The following HERC1 variants were observed in gnomAD, a reference collection of about 807,000 sequenced individuals.
HERC1 encodes HECT and RLD domain containing E3 ubiquitin protein ligase family member 1, also known as probable E3 ubiquitin-protein ligase HERC1.
In HERC1, 160 loss-of-function variants were observed where a neutral mutation model predicts 554.3. The observed-to-expected ratio is 0.29, with a 90% CI of 0.25 to 0.33. The LOEUF is 0.33. Ranked by LOEUF, HERC1 falls within the 10% of genes least tolerant of loss-of-function variation. HERC1 has a pLI of 1.00. For missense variants in HERC1, 4,919 were observed against 5,918.5 expected, an observed-to-expected ratio of 0.83 and a Z score of 5.54; for synonymous variants, 2,175 against 2,131.7, an observed-to-expected ratio of 1.02 and a Z score of -0.56.
In HERC1 at chr15:63,758,223, C is replaced by T; in HGVS notation, c.1173G>A (p.Glu391=). 1 of 1,613,272 alleles carries T rather than the reference C, an allele frequency of 6.2e-7. No individual in the cohort carries two copies. Among genetic ancestry groups the T allele is most frequent in the Middle Eastern group, 1.6e-4 (1 of 6,062 alleles). The change falls in exon 4 of 78, where the codon GAG becomes GAA. Residue 391 remains glutamate, a synonymous_variant. Transcript: ENST00000443617. This position sits in a 1 kb window ranked among gnomAD's most constrained non-coding sequence, Gnocchi z 4.0. ...SSHQLVEGTQ[E]KILQPKLAPS... The stretch of plus-strand genomic sequence containing the variant: ...GAGCCAGTTTGGGTTGCAGTATTTT[C>T]TCCTGTGTACCTTCTACCAACTGAT...
intron 76 of HERC1, among the ~76,000 whole-genome samples, chr15:63,613,261 T>C (rs1412064196): frequency 6.6e-6 from 1 of 152,180 alleles, no homozygotes; most frequent in Non-Finnish European, 1.5e-5. Flanking sequence ...CTACATGAAA[T>C]TCTGTGTGAC....
chr15:63,751,897 A>T (rs963143107), intron 8 of HERC1, among the ~76,000 whole-genome samples: 2 of 151,994 alleles, frequency 1.3e-5, no homozygotes, highest in South Asian at 2.1e-4. Context: ...TGGATAATCT[A>T]TAGAAACTCT....
rs2068505013 is a variant in HERC1, at chr15:63,630,600, T to G, written c.12832A>C (p.Asn4278His). The G allele has an allele frequency of 9.3e-6, 15 of 1,613,160 alleles. No homozygotes were observed. Among genetic ancestry groups the G allele is most frequent in the Non-Finnish European group, 1.3e-5 (15 of 1,179,624 alleles). ...GGGATTTGTTGCGGTCGATTGTGAT[T>G]GCGAGCACGCCCCTCTGGCAAGCCT... ...LIGLPEGRAR[N>H]HNRPQQIPVL... Residue 4278 changes from asparagine (N) to histidine (H), a missense_variant, in exon 69 of 78, where the codon AAT becomes CAT. Coordinates refer to ENST00000443617, the MANE Select transcript of HERC1 (RefSeq NM_003922.4).
At chr15:63,629,943 C>T (rs934165095) in intron 69 of HERC1, among the ~76,000 whole-genome samples, 39 of 152,244 alleles carry the variant, frequency 2.6e-4, no homozygotes, top group African/African-American at 8.9e-4. Flanking sequence ...TCTTGAGTCT[C>T]TTATCAGTAT....
At position 63,775,697 on chromosome 15, in the gene HERC1, A is replaced by C; in HGVS notation, c.-26-48T>G. 1 of 1,219,004 alleles carries C rather than the reference A, an allele frequency of 8.2e-7. No homozygotes were observed. Among genetic ancestry groups the C allele is most frequent in the Non-Finnish European group, 1.2e-6 (1 of 864,640 alleles). 75.5% of individuals were successfully genotyped at this position (1,219,004 alleles called of 1,614,324 possible). ...AGTCAAAAACATACAGAGGACTCAT[A>C]AAATGTTTCCAAAATTTCATCTTAC... On this transcript the variant is annotated intron_variant, in intron 1 of 77. Transcript: ENST00000443617. This position sits in a 1 kb window ranked among gnomAD's most constrained non-coding sequence, Gnocchi z 4.0.
intron 77 of HERC1, among the ~76,000 whole-genome samples, chr15:63,609,794 A>G (rs889272393): frequency 1.3e-5 from 2 of 152,176 alleles, no homozygotes; most frequent in African/African-American, 4.8e-5. Flanking sequence ...CACAGCTCAC[A>G]TAAGGAAGGG....
At chr15:63,770,819 G>A (rs968945620) in intron 2 of HERC1, among the ~76,000 whole-genome samples, 1 of 152,176 alleles carries the variant, frequency 6.6e-6, no homozygotes, top group African/African-American at 2.4e-5. Flanking sequence ...GGGAGGATCA[G>A]GTCAGGTTGG....
chr15:63,668,401 G>A (rs1476356531), intron 40 of HERC1, among the ~76,000 whole-genome samples: 2 of 152,134 alleles, frequency 1.3e-5, no homozygotes, highest in Non-Finnish European at 2.9e-5. Context: ...GCTGAGGTGG[G>A]AGAACTGCTT....
rs891781160 is a variant in HERC1 at position 63,651,836 on chromosome 15, G to A, written c.10419-456C>T. 4.6e-5 allele frequency among the ~76,000 whole-genome samples: 7 copies of A among 152,258 alleles called. No homozygotes were observed. In the East Asian group the frequency reaches 1.4e-3, roughly 29 times the overall value. On this transcript the variant is annotated intron_variant, in intron 52 of 77. Coordinates refer to ENST00000443617, the MANE Select transcript of HERC1 (RefSeq NM_003922.4). Reference sequence around the variant, plus strand: ...GCAGATCAGAAGGTCAGGAGTTTGAGACCAGCCTGGCCAACATAGTGAAAC... The same window carrying A: ...GCAGATCAGAAGGTCAGGAGTTTGAAACCAGCCTGGCCAACATAGTGAAAC...
In HERC1 at chr15:63,718,448, G is replaced by A; in HGVS notation, c.3978+126C>T. ...CCTTTTTTTTTTTCTGCTAGGAAAA[G>A]AACTACTCAACATGTATTGAACATA... On this transcript the variant is annotated intron_variant, in intron 21 of 77. Coordinates refer to ENST00000443617, the MANE Select transcript of HERC1 (RefSeq NM_003922.4). This position sits in a 1 kb window ranked among gnomAD's most constrained non-coding sequence, Gnocchi z 4.2. 2 of 740,338 alleles carry A rather than the reference G, an allele frequency of 2.7e-6. No individual in the cohort carries two copies. Among genetic ancestry groups the A allele is most frequent in the South Asian group, 3.6e-5 (1 of 27,770 alleles). The allele number at this position is 740,338 out of a possible 1,614,324, so 45.9% of individuals were successfully genotyped here. A position where few individuals can be genotyped will look rare whatever the true frequency, so the allele number is the denominator to read the frequency against.
intron 51 of HERC1, among the ~76,000 whole-genome samples, chr15:63,652,993 C>T (rs1215626337): frequency 6.6e-6 from 1 of 152,174 alleles, no homozygotes; most frequent in South Asian, 2.1e-4. Flanking sequence ...TGAAGCTATA[C>T]TTATTTGAAG....
intron 1 of HERC1, among the ~76,000 whole-genome samples, chr15:63,804,014 G>A (rs1243062564): frequency 1.3e-5 from 2 of 152,276 alleles, no homozygotes; most frequent in South Asian, 2.1e-4. Context: ...TATCTAAAGT[G>A]TCAAGGCAGT....
At chr15:63,699,034 C>A in intron 25 of HERC1, 38 bp from the exon 26 acceptor site, 1 of 1,538,990 alleles carries the variant, frequency 6.5e-7, no homozygotes, top group South Asian at 1.2e-5. Flanking sequence ...CAATGGCAAT[C>A]AAGTAGAGCA....
At chr15:63,693,101 C>T (rs2153046257) in intron 30 of HERC1, among the ~76,000 whole-genome samples, 1 of 152,148 alleles carries the variant, frequency 6.6e-6, no homozygotes, top group South Asian at 2.1e-4. Context: ...TCGCTTGAAC[C>T]TGGGAGGCAG....
At position 63,663,021 on chromosome 15, in the gene HERC1, C is replaced by T. The variant is rs762587692; in HGVS notation, c.8864G>A (p.Gly2955Glu). Residue 2955 changes from glycine (G) to glutamate (E), a missense_variant, in exon 44 of 78, where the codon GGA (glycine) becomes GAA (glutamate). Gly to Glu is a moderately conservative substitution (Grantham distance 98). Around this residue, in one of 11 missense-constraint regions of HERC1, gnomAD observed 1,963 missense variants for 2,228.6 expected, o/e 0.88. Transcript: ENST00000443617. Reference sequence around the variant, plus strand: ...ATCCAGTACCTCTGGGATCCACATTCCCAGAATATCATTGTCACTGGTCAG... The same window carrying T: ...ATCCAGTACCTCTGGGATCCACATTTCCAGAATATCATTGTCACTGGTCAG... The part of the protein sequence containing the change: ...QDLTSDNDIL[G>E]MWIPEVLDWP... 7.4e-6 allele frequency: 12 copies of T among 1,614,010 alleles called. No individual in the cohort carries two copies. The highest frequency in any genetic ancestry group is 1.1e-5 in the South Asian group (1 of 91,084).
At position 63,674,778 on chromosome 15, in the gene HERC1, T is replaced by C; in HGVS notation, c.7410A>G (p.Pro2470=). 2 of 1,613,992 alleles carry C rather than the reference T, an allele frequency of 1.2e-6. No individual in the cohort carries two copies. Among genetic ancestry groups the C allele is most frequent in the South Asian group, 2.2e-5 (2 of 91,062 alleles). Residue 2470 remains proline, a synonymous_variant, in exon 38 of 78, where the codon CCA becomes CCG. Coordinates refer to ENST00000443617, the MANE Select transcript of HERC1 (RefSeq NM_003922.4). ...ENEIASFSLD[P]TLPSVESQHQ... is the part of the protein sequence containing the mutation. ...GTTGGGATTCCACACTTGGCAGTGT[T>C]GGATCTAAAGAAAATGAAGCGATTT...
intron 2 of HERC1, among the ~76,000 whole-genome samples, chr15:63,769,644 A>T (rs2075889481): frequency 6.6e-6 from 1 of 152,062 alleles, no homozygotes; most frequent in Admixed American, 6.6e-5. Flanking sequence ...ATCTGAGGTC[A>T]GGAGTTCGAG....
chr15:63,699,603 C>A (rs2153070799), intron 25 of HERC1, among the ~76,000 whole-genome samples: 1 of 152,288 alleles, frequency 6.6e-6, no homozygotes, highest in South Asian at 2.1e-4. Flanking sequence ...ATATTTACTG[C>A]AGGTTGTGAA....
At chr15:63,746,856 T>G (rs1596140346) in intron 12 of HERC1, 62 bp downstream of exon 12, 3 of 1,377,888 alleles carry the variant, frequency 2.2e-6, no homozygotes, top group Non-Finnish European at 3.0e-6. Context: ...ATATATTGTA[T>G]AGCTAAAATC....
Sources: gnomAD v4.1 joint callset for allele counts (sites outside exome capture counted in the v4.1 genomes callset) on GRCh38, gnomAD v4.1.1 for gene constraint, gnomAD v4.1.1 regional missense constraint, Gnocchi (gnomAD v3.1) non-coding constraint, MANE v1.5 for transcripts, NCBI Gene and HGNC (gene_info 2026-07-23, HGNC 2026-07-21) for gene names.